The following PATL2 variants were observed in gnomAD, a reference collection of about 807,000 sequenced individuals.
PATL2 encodes the protein protein PAT1 homolog 2.
A neutral mutation model predicts 77.0 loss-of-function variants in PATL2; 73 were observed. The observed-to-expected ratio is 0.95, with a 90% CI of 0.78 to 1.15. PATL2 has a LOEUF of 1.15. Ranked by LOEUF, PATL2 falls within the 50% of genes most tolerant of loss-of-function variation. The pLI is 0.00. For synonymous variants in PATL2, 265 were observed against 257.1 expected (o/e 1.03, Z -0.29); for missense variants, 618 against 655.4 (o/e 0.94, Z 0.62).
chr15:44,688,283 A>G (rs149567997), intron 3 of PATL2, among the ~76,000 whole-genome samples: 20 of 151,618 alleles, frequency 1.3e-4, no homozygotes, highest in African/African-American at 4.8e-4. Flanking sequence ...AATAATAATA[A>G]TAAAAAAAAT....
Position 44,675,508 on chromosome 15 carries a change from A to G in PATL2, c.200T>C (p.Leu67Pro), listed in dbSNP as rs760011235. ...TACCTGGGTGTTGTGGACAGCACCA[A>G]GTACAGCTGGATCCCCAAGATCATT... ...EENDLGDPAVLGAVHNTQRAL... is the reference protein window; with the variant it reads ...EENDLGDPAVPGAVHNTQRAL... The change falls in exon 5 of 18, where the codon CTT becomes CCT. Residue 67 changes from leucine (L) to proline (P), a missense_variant. Leu to Pro is a moderately conservative substitution (Grantham distance 98). Transcript: ENST00000682850. The G allele has an allele frequency of 1.1e-5, 17 of 1,551,658 alleles. No homozygotes were observed. Among genetic ancestry groups the G allele is most frequent in the Admixed American group, 3.9e-5 (2 of 50,986 alleles).
intron 3 of PATL2, among the ~76,000 whole-genome samples, chr15:44,697,117 ATCC>A (rs1220958356): frequency 6.6e-6 from 1 of 150,546 alleles, no homozygotes; most frequent in Non-Finnish European, 1.5e-5. Context: ...CCTCCTTCTC[ATCC>A]TCCTGTTTCT....
intron 16 of PATL2, 71 bp from the exon 17 acceptor site, chr15:44,666,612 A>G: frequency 1.4e-6 from 2 of 1,415,570 alleles, no homozygotes; most frequent in South Asian, 3.0e-5. Context: ...AAGGTTTCTT[A>G]TTATCTTTCC....
At chr15:44,678,639 C>CA (rs2086053262) in intron 3 of PATL2, among the ~76,000 whole-genome samples, 1 of 152,078 alleles carries the variant, frequency 6.6e-6, no homozygotes, top group African/African-American at 2.4e-5. Flanking sequence ...CACAGGTACA[C>CA]AGGATTGTTG....
At chr15:44,669,438 G>T (rs1425133986) in intron 12 of PATL2, 25 bp from the exon 13 acceptor site, 26 of 1,548,426 alleles carry the variant, frequency 1.7e-5, no homozygotes, top group Non-Finnish European at 2.1e-5. Context: ...GTGGAAAAAA[G>T]AGGTAAATTT....
At chr15:44,709,072 T>C (rs963337117) in intron 3 of PATL2, among the ~76,000 whole-genome samples, 5 of 152,144 alleles carry the variant, frequency 3.3e-5, no homozygotes, top group African/African-American at 1.2e-4. Context: ...CTAATTTTTG[T>C]ATTTTTAGTA....
Position 44,667,124 on chromosome 15 carries a change from T to C in PATL2, c.1445A>G (p.Asn482Ser), listed in dbSNP as rs954599033. ...VSLHSSLEEP[N>S]SDHTAWTDMV... ...ATCTTACCAAGCTGTATGGTCACTG[T>C]TGGGTTCCTCTAGGGAAGAATGCAG... The change falls in exon 16 of 18, where the codon AAC becomes AGC. Residue 482 changes from asparagine to serine, a missense_variant. Transcript: ENST00000682850. 9 of 1,551,402 alleles carry C rather than the reference T, an allele frequency of 5.8e-6. No individual in the cohort carries two copies. Among genetic ancestry groups the C allele is most frequent in the African/African-American group, 4.1e-5 (3 of 73,028 alleles).
chr15:44,669,021 G>T lies in PATL2; in HGVS notation c.1183C>A (p.His395Asn). ...QAVTILLAIT[H>N]HLPLLVRRDV... ...CTCCGGACCAGGAGGGGCAGATGGT[G>T]GGTGATAGCCAAAAGAATGGTAACA... The change falls in exon 14 of 18, where the codon CAC (histidine) becomes AAC (asparagine). Residue 395 changes from histidine (H) to asparagine (N), a missense_variant. Transcript: ENST00000682850. 6.4e-7 allele frequency: 1 copy of T among 1,550,988 alleles called. No homozygotes were observed. Among genetic ancestry groups the T allele is most frequent in the South Asian group, 1.2e-5 (1 of 83,934 alleles).
chr15:44,705,595 C>T (rs1216292915), intron 3 of PATL2, among the ~76,000 whole-genome samples: 1 of 151,990 alleles, frequency 6.6e-6, no homozygotes, highest in Non-Finnish European at 1.5e-5. Flanking sequence ...TTTCAAATTG[C>T]CTGTCTTCAA....
chr15:44,693,453 C>T (rs1368855490), intron 3 of PATL2, among the ~76,000 whole-genome samples: 2 of 152,192 alleles, frequency 1.3e-5, no homozygotes, highest in African/African-American at 4.8e-5. Flanking sequence ...GACCATTCTT[C>T]TGCAGTCACA....
Position 44,673,253 on chromosome 15 carries a change from G to A in PATL2, c.428C>T (p.Ser143Leu), listed in dbSNP as rs1005315465. Reference sequence around the variant, plus strand: ...CCAGTACCTGAACCTAGGGGGCCACGAGGTCAGCAGGCTGCAGAAGAGAGT... The same window carrying A: ...CCAGTACCTGAACCTAGGGGGCCACAAGGTCAGCAGGCTGCAGAAGAGAGT... ...DPTLFCSLLTSWPPRFSHLTQ... is the reference protein window; with the variant it reads ...DPTLFCSLLTLWPPRFSHLTQ... Residue 143 changes from serine (S) to leucine (L), a missense_variant, in exon 7 of 18, where the codon TCG (serine) becomes TTG (leucine). Coordinates refer to ENST00000682850, the MANE Select transcript of PATL2 (RefSeq NM_001387263.1). The A allele has an allele frequency of 3.9e-6, 6 of 1,551,468 alleles. No homozygotes were observed. The African/African-American group carries it at 4.1e-5, about 11-fold the overall frequency.
intron 3 of PATL2, among the ~76,000 whole-genome samples, chr15:44,692,548 T>C (rs1318407231): frequency 6.6e-6 from 1 of 152,216 alleles, no homozygotes; most frequent in African/African-American, 2.4e-5. Context: ...ATATTGCCTA[T>C]AACCAGAGCC....
intron 3 of PATL2, among the ~76,000 whole-genome samples, chr15:44,679,847 A>G (rs2086093434): frequency 1.3e-5 from 2 of 152,226 alleles, no homozygotes; most frequent in African/African-American, 2.4e-5. Flanking sequence ...TAATAAAGTT[A>G]TATTTATAAA....
At chr15:44,681,834 A>G (rs1469326940) in intron 3 of PATL2, among the ~76,000 whole-genome samples, 1 of 152,202 alleles carries the variant, frequency 6.6e-6, no homozygotes, top group Non-Finnish European at 1.5e-5. Context: ...CATAAAGCAT[A>G]AGCCCCTTTA....
intron 8 of PATL2, 58 bp downstream of exon 8, chr15:44,672,330 G>A: frequency 2.0e-6 from 3 of 1,533,442 alleles, no homozygotes; most frequent in East Asian, 2.5e-5. Flanking sequence ...CTGGTCACAA[G>A]GGGAGACCCG....
intron 4 of PATL2, chr15:44,676,262 T>G: frequency 3.4e-6 from 2 of 584,870 alleles, no homozygotes; most frequent in Non-Finnish European, 6.2e-6. Flanking sequence ...TATGAGGCTG[T>G]CCTGGGTTGT....
At chr15:44,711,346 G>GC (rs1185022486), upstream of PATL2, 12 of 674,010 alleles carry the variant, frequency 1.8e-5, no homozygotes, top group East Asian at 3.2e-4. Flanking sequence ...TCTAGTGCAT[G>GC]CCTTCTTAAA....
intron 2 of PATL2, among the ~76,000 whole-genome samples, 69 bp from the exon 3 acceptor site, chr15:44,710,283 C>A (rs1356987617): frequency 1.3e-5 from 2 of 152,326 alleles, no homozygotes; most frequent in African/African-American, 4.8e-5. Flanking sequence ...CAAATCCTTT[C>A]AACTGAAAAC....
intron 3 of PATL2, among the ~76,000 whole-genome samples, chr15:44,708,358 A>G (rs187604808): frequency 6.6e-6 from 1 of 152,358 alleles, no homozygotes; most frequent in Non-Finnish European, 1.5e-5. Flanking sequence ...TAATCGACAT[A>G]CAATATATTA....
Sources: gnomAD v4.1 joint callset for allele counts (sites outside exome capture counted in the v4.1 genomes callset) on GRCh38, gnomAD v4.1.1 for gene constraint, MANE v1.5 for transcripts, NCBI Gene and HGNC (gene_info 2026-07-23, HGNC 2026-07-21) for gene names.